Variants in SORD observed in about 807,000 individuals in gnomAD.
SORD encodes the protein sorbitol dehydrogenase, also known as (R,R)-butanediol dehydrogenase.
A neutral mutation model predicts 35.6 loss-of-function variants in SORD; 18 were observed. The ratio of observed to expected loss-of-function variants is 0.51; its 90% confidence interval spans 0.35 to 0.75. The LOEUF (loss-of-function observed/expected upper bound fraction) is 0.75, where lower values mean the gene tolerates loss of function less well. SORD is among the 30% of genes least tolerant of loss of function. The probability of loss-of-function intolerance (pLI) is 0.01; values close to 1 mark genes in which losing one functional copy is unlikely to be tolerated. For synonymous variants in SORD, 106 were observed against 152.9 expected (o/e 0.69, Z 2.26); for missense variants, 250 against 390.2 (o/e 0.64, Z 3.03).
Position 45,026,988 on chromosome 15 carries a change from CA to C in SORD, c.66+3645del, listed in dbSNP as rs1333080123. Among the ~76,000 whole-genome samples, 5 of 152,294 alleles carry C rather than the reference CA, an allele frequency of 3.3e-5. No individual in the cohort carries two copies. In the East Asian group the frequency reaches 9.6e-4, roughly 29 times the overall value. On this transcript the variant is annotated intron_variant, in intron 1 of 8. Transcript: ENST00000267814. ...TTTCTTGATGTATGGCTGCACGGAA[CA>C]AAAAATTAAACTCCTCACCTACTAA... is the stretch of plus-strand genomic sequence containing the variant.
At chr15:45,072,967 G>A (rs1893536221) in intron 8 of SORD, among the ~76,000 whole-genome samples, 2 of 135,644 alleles carry the variant, frequency 1.5e-5, no homozygotes, top group Non-Finnish European at 3.0e-5. Flanking sequence ...TTTAGAGGCT[G>A]TAACTCCATG....
chr15:45,058,231 A>T (rs1431884226), intron 3 of SORD, among the ~76,000 whole-genome samples: 1 of 152,166 alleles, frequency 6.6e-6, no homozygotes, highest in Non-Finnish European at 1.5e-5. Flanking sequence ...TTCAGATAAC[A>T]CTGAGGTGTA....
chr15:45,064,229 T>C (rs1893369244), intron 4 of SORD, among the ~76,000 whole-genome samples: 1 of 152,058 alleles, frequency 6.6e-6, no homozygotes, highest in Non-Finnish European at 1.5e-5. Flanking sequence ...AGGATGGAGC[T>C]GATATGGGAC....
intron 1 of SORD, among the ~76,000 whole-genome samples, chr15:45,036,667 A>T (rs1338562420): frequency 1.3e-5 from 2 of 152,196 alleles, no homozygotes; most frequent in Non-Finnish European, 2.9e-5. Flanking sequence ...GTGCCACTGC[A>T]CTGTAGCCTG....
chr15:45,069,314 T>G (rs530601502), intron 7 of SORD, among the ~76,000 whole-genome samples: 1 of 150,986 alleles, frequency 6.6e-6, no homozygotes, highest in South Asian at 2.1e-4. Flanking sequence ...TCACGCCATT[T>G]TCCTGCCTCA....
chr15:45,046,123 G>A (rs1398242605), intron 3 of SORD, among the ~76,000 whole-genome samples: 1 of 151,912 alleles, frequency 6.6e-6, no homozygotes, highest in Non-Finnish European at 1.5e-5. Flanking sequence ...TGATTATGGA[G>A]GATCTTGAAG....
In SORD at chr15:45,069,011, G is replaced by C; in HGVS notation, c.745G>C (p.Glu249Gln). The change falls in exon 7 of 9, where the codon GAG becomes CAG. Residue 249 changes from glutamate to glutamine, a missense_variant. Coordinates refer to ENST00000267814, the MANE Select transcript of SORD (RefSeq NM_003104.6). ...QLGCKPEVTI[E>Q]CTGAEASIQA... ...GGGGTGCAAGCCGGAAGTCACCATC[G>C]AGTGCACGGGGGCAGAGGCCTCCAT... 1 of 1,611,656 alleles carries C rather than the reference G, an allele frequency of 6.2e-7. No homozygotes were observed.
chr15:45,034,330 G>C (rs1892826270), intron 1 of SORD, among the ~76,000 whole-genome samples: 1 of 152,076 alleles, frequency 6.6e-6, no homozygotes, highest in South Asian at 2.1e-4. Context: ...ACTCAGGTTG[G>C]CTGGAGGAGG....
chr15:45,035,722 C>T (rs756462728), intron 1 of SORD, among the ~76,000 whole-genome samples: 8 of 152,214 alleles, frequency 5.3e-5, no homozygotes, highest in Non-Finnish European at 7.3e-5. Context: ...CCTTTATGAG[C>T]TGTAACACTC....
chr15:45,030,278 C>G (rs1364039470), intron 1 of SORD, among the ~76,000 whole-genome samples: 1 of 152,236 alleles, frequency 6.6e-6, no homozygotes, highest in African/African-American at 2.4e-5. Flanking sequence ...TCCATAAAAG[C>G]AGCCCTATTC....
chr15:45,047,097 T>A (rs966251475), intron 3 of SORD: 2 of 151,550 alleles, frequency 1.3e-5, no homozygotes, highest in African/African-American at 4.9e-5. Flanking sequence ...GCATTCCTAT[T>A]TTTTTTTAAG....
chr15:45,071,355 G>T (rs1409394192), intron 7 of SORD, among the ~76,000 whole-genome samples: 1 of 152,172 alleles, frequency 6.6e-6, no homozygotes, highest in Non-Finnish European at 1.5e-5. Context: ...AAGCAGCAGC[G>T]CTGGGAGTCA....
intron 5 of SORD, among the ~76,000 whole-genome samples, chr15:45,065,863 C>T (rs538161721): frequency 7.2e-5 from 11 of 151,892 alleles, no homozygotes; most frequent in Middle Eastern, 3.4e-3. Context: ...AAGGGTGCAG[C>T]GAGCCATGAT....
At chr15:45,038,739 A>G (rs1388889824) in intron 1 of SORD, among the ~76,000 whole-genome samples, 1 of 152,246 alleles carries the variant, frequency 6.6e-6, no homozygotes, top group African/African-American at 2.4e-5. Flanking sequence ...CAGTGATAGT[A>G]CCGAGCAGCA....
intron 1 of SORD, among the ~76,000 whole-genome samples, chr15:45,034,945 C>A (rs1205444600): frequency 6.6e-6 from 1 of 152,200 alleles, no homozygotes; most frequent in African/African-American, 2.4e-5. Context: ...GCCGGCCCTG[C>A]GGTTCCCGGG....
intron 3 of SORD, among the ~76,000 whole-genome samples, chr15:45,054,330 T>C (rs1322339678): frequency 1.3e-5 from 2 of 151,718 alleles, no homozygotes; most frequent in Admixed American, 6.6e-5. Flanking sequence ...TTTTAATGAT[T>C]GCCATTCTAA....
intron 3 of SORD, among the ~76,000 whole-genome samples, chr15:45,054,837 G>T (rs1030212882): frequency 6.0e-5 from 9 of 150,690 alleles, no homozygotes; most frequent in Non-Finnish European, 1.2e-4. Context: ...GTGTAAGGAA[G>T]GGATCCAGTT....
intron 3 of SORD, among the ~76,000 whole-genome samples, chr15:45,050,144 G>A (rs142675970): frequency 2.6e-3 from 401 of 152,150 alleles, no homozygotes; most frequent in African/African-American, 9.4e-3. Flanking sequence ...GTGCAGTGGC[G>A]CCATCTGGCT....
chr15:45,050,230 C>T (rs1595501980), intron 3 of SORD, among the ~76,000 whole-genome samples: 1 of 152,146 alleles, frequency 6.6e-6, no homozygotes, highest in African/African-American at 2.4e-5. Context: ...TACAGGCACC[C>T]ACCACCAGCC....
Sources: gnomAD v4.1 joint callset for allele counts (sites outside exome capture counted in the v4.1 genomes callset) on GRCh38, gnomAD v4.1.1 for gene constraint, MANE v1.5 for transcripts, NCBI Gene and HGNC (gene_info 2026-07-23, HGNC 2026-07-21) for gene names.